RFX3: variants seen among roughly 807,000 people sequenced by gnomAD.
The protein encoded by RFX3 is regulatory factor X3.
A neutral mutation model predicts 98.6 loss-of-function variants in RFX3; 14 were observed. The ratio of observed to expected loss-of-function variants is 0.14; its 90% CI spans 0.09 to 0.22. RFX3 has a LOEUF of 0.22. Ranked by LOEUF, RFX3 falls within the 10% of genes least tolerant of loss-of-function variation. The pLI, the probability that RFX3 is intolerant of heterozygous loss-of-function variation, is 1.00. For synonymous variants in RFX3, 383 were observed against 328.4 expected (o/e 1.17, Z -1.80); for missense variants, 639 against 926.9 (o/e 0.69, Z 4.03).
At chr9:3,458,766 T>C (rs1331507865) in intron 1 of RFX3, among the ~76,000 whole-genome samples, 2 of 152,140 alleles carry the variant, frequency 1.3e-5, no homozygotes, top group African/African-American at 2.4e-5. Context: ...TTAATAGATA[T>C]TTATTATTCT....
At chr9:3,378,320 T>G (rs903273263) in intron 2 of RFX3, among the ~76,000 whole-genome samples, 1 of 152,184 alleles carries the variant, frequency 6.6e-6, no homozygotes, top group East Asian at 1.9e-4. Flanking sequence ...GGAAAAATTT[T>G]TAAGCCACTT....
At chr9:3,305,597 C>A (rs1386120862) in intron 4 of RFX3, among the ~76,000 whole-genome samples, 1 of 151,848 alleles carries the variant, frequency 6.6e-6, no homozygotes, top group Non-Finnish European at 1.5e-5. Flanking sequence ...TTTGAAATTA[C>A]AAAGATATGA....
chr9:3,360,346 G>T (rs1372134007), intron 2 of RFX3, among the ~76,000 whole-genome samples: 1 of 151,980 alleles, frequency 6.6e-6, no homozygotes, highest in Non-Finnish European at 1.5e-5. Flanking sequence ...GGAATAATCT[G>T]CAATTTCACT....
At chr9:3,261,846 A>G (rs1012126686) in intron 13 of RFX3, among the ~76,000 whole-genome samples, 4 of 152,076 alleles carry the variant, frequency 2.6e-5, no homozygotes, top group Admixed American at 2.6e-4. Flanking sequence ...CCCATTTTAG[A>G]GTATACGAAA....
At chr9:3,471,886 T>C (rs1332334477) in intron 1 of RFX3, among the ~76,000 whole-genome samples, 1 of 152,224 alleles carries the variant, frequency 6.6e-6, no homozygotes, top group Non-Finnish European at 1.5e-5. Context: ...TGAATGATCT[T>C]ATTTAGTAAA....
At chr9:3,275,417 T>G (rs750643409) in intron 9 of RFX3, 83 bp downstream of exon 9, 2 of 752,468 alleles carry the variant, frequency 2.7e-6, no homozygotes, top group African/African-American at 3.5e-5. Context: ...ACCTGTCCTT[T>G]AGGAATAAGC....
At chr9:3,419,398 T>C (rs1021073980) in intron 1 of RFX3, among the ~76,000 whole-genome samples, 5 of 152,192 alleles carry the variant, frequency 3.3e-5, no homozygotes, top group Non-Finnish European at 7.3e-5. Context: ...ATAAAACAAG[T>C]ATATTTTTTA....
chr9:3,225,048 T>C lies in RFX3; in HGVS notation c.2244A>G (p.Ala748=), dbSNP rs764238395. The C allele has an allele frequency of 1.4e-5, 22 of 1,613,582 alleles. No individual in the cohort carries two copies. The highest frequency in any genetic ancestry group is 1.7e-5 in the Admixed American group (1 of 59,962). Residue 748 remains alanine (A), a synonymous_variant, in exon 17 of 17, where the codon GCA becomes GCG. Transcript: ENST00000617270. The part of the protein sequence containing the change: ...QCSATGNTYT[A]V ...AAATACGCTTTAATATTCTTTAGAC[T>C]GCAGTGTAGGTATTTCCTGTAGCGC... is the stretch of plus-strand genomic sequence containing the variant.
At chr9:3,338,493 C>A (rs182500892) in intron 3 of RFX3, among the ~76,000 whole-genome samples, 1 of 151,426 alleles carries the variant, frequency 6.6e-6, no homozygotes, top group South Asian at 2.1e-4. Flanking sequence ...TTGTAAGGAT[C>A]GGCACATCTT....
At chr9:3,260,945 C>G (rs1586781530) in intron 13 of RFX3, among the ~76,000 whole-genome samples, 1 of 150,162 alleles carries the variant, frequency 6.7e-6, no homozygotes, top group Admixed American at 6.6e-5. Context: ...AAGTTTGAAC[C>G]CAGTCCATGA....
intron 13 of RFX3, among the ~76,000 whole-genome samples, chr9:3,260,602 TAA>T (rs1454126986): frequency 4.0e-5 from 6 of 151,764 alleles, no homozygotes; most frequent in Non-Finnish European, 8.8e-5. Context: ...CAACTCTTCT[TAA>T]GAGACTTTTA....
chr9:3,386,631 A>G (rs1839744130), intron 2 of RFX3, among the ~76,000 whole-genome samples: 1 of 152,144 alleles, frequency 6.6e-6, no homozygotes, highest in Non-Finnish European at 1.5e-5. Context: ...CCCAGAAGCC[A>G]CGGAAGAAAA....
At chr9:3,337,137 G>C (rs891911177) in intron 3 of RFX3, among the ~76,000 whole-genome samples, 5 of 152,134 alleles carry the variant, frequency 3.3e-5, no homozygotes, top group Non-Finnish European at 5.9e-5. Context: ...AAAGTCCTGA[G>C]GCCAGAGAGG....
In RFX3 at chr9:3,243,779, C is replaced by T. The variant is rs529671398; in HGVS notation, c.1968+4253G>A. On this transcript the variant is annotated intron_variant, in intron 15 of 16. Transcript: ENST00000617270. ...AGCACCTGTAAAGGCAAAACAAATA[C>T]CCAGCAAAGTTTGTGACTATTTTGC... 1.2e-4 allele frequency among the ~76,000 whole-genome samples: 18 copies of T among 152,230 alleles called. 1 individual carries two copies. The South Asian group carries it at 2.1e-3, about 18-fold the overall frequency.
intron 9 of RFX3, among the ~76,000 whole-genome samples, chr9:3,271,495 C>CCCTT (rs368176659): frequency 8.2e-5 from 12 of 146,248 alleles, no homozygotes; most frequent in African/African-American, 3.0e-4. Context: ...CCTTCCCTTC[C>CCCTT]CCTTCCTTCC....
chr9:3,372,350 G>T (rs969619742), intron 2 of RFX3, among the ~76,000 whole-genome samples: 4 of 152,050 alleles, frequency 2.6e-5, no homozygotes, highest in Non-Finnish European at 4.4e-5. Context: ...TATATAATAA[G>T]AAAAACTGTA....
chr9:3,445,367 T>G (rs1845957606), intron 1 of RFX3, among the ~76,000 whole-genome samples: 1 of 151,982 alleles, frequency 6.6e-6, no homozygotes, highest in Admixed American at 6.6e-5. Context: ...CCTAGAAATT[T>G]AAGCAAAACA....
intron 1 of RFX3, among the ~76,000 whole-genome samples, chr9:3,468,806 T>C (rs1848531986): frequency 6.9e-6 from 1 of 145,310 alleles, no homozygotes; most frequent in Non-Finnish European, 1.5e-5. Flanking sequence ...ACCCGATTGT[T>C]TTCCTTTTGA....
chr9:3,331,901 T>C (rs560855549), intron 3 of RFX3, among the ~76,000 whole-genome samples: 1 of 152,272 alleles, frequency 6.6e-6, no homozygotes, highest in South Asian at 2.1e-4. Flanking sequence ...CAAGTGGTCA[T>C]CACTACTCAG....
Sources: gnomAD v4.1 joint callset for allele counts (sites outside exome capture counted in the v4.1 genomes callset) on GRCh38, gnomAD v4.1.1 for gene constraint, MANE v1.5 for transcripts, NCBI Gene and HGNC (gene_info 2026-07-23, HGNC 2026-07-21) for gene names.